Variants in PRKD1 observed in about 807,000 individuals in gnomAD.
The protein encoded by PRKD1 is serine/threonine-protein kinase D1.
PRKD1 carries 63 observed loss-of-function variants against 95.9 expected under a neutral mutation model. That is an observed-to-expected ratio of 0.66 (90% confidence interval 0.54 to 0.81). The LOEUF (loss-of-function observed/expected upper bound fraction) is 0.81. PRKD1 is among the 30% of genes least tolerant of loss of function. The pLI, the probability that PRKD1 is intolerant of heterozygous loss-of-function variation, is 0.00. For synonymous variants in PRKD1, 425 were observed against 423.1 expected, an observed-to-expected ratio of 1.00 and a Z score of -0.05; for missense variants, 1,048 against 1,165.3, an observed-to-expected ratio of 0.90 and a Z score of 1.47.
chr14:29,858,412 C>G (rs1173798820), intron 1 of PRKD1, among the ~76,000 whole-genome samples: 2 of 152,172 alleles, frequency 1.3e-5, no homozygotes, highest in Admixed American at 6.5e-5. Flanking sequence ...CAGGAAATGT[C>G]TCTATAAGAC....
At chr14:29,871,326 T>C (rs564408495) in intron 1 of PRKD1, among the ~76,000 whole-genome samples, 2 of 152,340 alleles carry the variant, frequency 1.3e-5, no homozygotes, top group South Asian at 4.1e-4. Context: ...TATAATTTTT[T>C]AGGATAAAAA....
chr14:29,786,247 T>C (rs1339291138), intron 1 of PRKD1, among the ~76,000 whole-genome samples: 4 of 152,180 alleles, frequency 2.6e-5, no homozygotes, highest in Admixed American at 6.5e-5. Flanking sequence ...ATTTTCATAA[T>C]ATTTTGTTGA....
intron 1 of PRKD1, among the ~76,000 whole-genome samples, chr14:29,832,888 TTTATTTTA>T (rs1891469061): frequency 6.6e-6 from 1 of 152,068 alleles, no homozygotes; most frequent in Non-Finnish European, 1.5e-5. Flanking sequence ...TTTGTGGAAT[TTTATTTTA>T]TTCCTTTTGT....
intron 16 of PRKD1, among the ~76,000 whole-genome samples, chr14:29,582,954 T>C (rs1298542655): frequency 1.3e-5 from 2 of 152,068 alleles, no homozygotes; most frequent in South Asian, 2.1e-4. Context: ...GGTCTGGCTG[T>C]GGGAAGGAAG....
intron 1 of PRKD1, among the ~76,000 whole-genome samples, chr14:29,877,111 C>T (rs1335972367): frequency 6.6e-6 from 1 of 152,088 alleles, no homozygotes; most frequent in East Asian, 1.9e-4. Context: ...AAAATCGTGC[C>T]ACCGCACTCC....
chr14:29,904,554 A>C (rs1894429784), intron 1 of PRKD1, among the ~76,000 whole-genome samples: 1 of 152,226 alleles, frequency 6.6e-6, no homozygotes, highest in Non-Finnish European at 1.5e-5. Flanking sequence ...AATGTTAGCT[A>C]TATTAAGGAT....
chr14:29,633,443 T>C (rs930156662), intron 8 of PRKD1, among the ~76,000 whole-genome samples: 6 of 152,218 alleles, frequency 3.9e-5, no homozygotes, highest in South Asian at 4.1e-4. Flanking sequence ...GAATATTTTG[T>C]TGGACAATAA....
At chr14:29,904,194 T>C (rs1232241743) in intron 1 of PRKD1, among the ~76,000 whole-genome samples, 1 of 152,190 alleles carries the variant, frequency 6.6e-6, no homozygotes. Context: ...TTGTGTTCAC[T>C]ACAACAGGAA....
intron 2 of PRKD1, among the ~76,000 whole-genome samples, chr14:29,722,615 A>C (rs1323017009): frequency 6.6e-6 from 1 of 152,208 alleles, no homozygotes; most frequent in Non-Finnish European, 1.5e-5. Context: ...TGAGAACCTC[A>C]TATCTATGGA....
chr14:29,596,657 A>G (rs1278702953), intron 16 of PRKD1, among the ~76,000 whole-genome samples: 2 of 152,062 alleles, frequency 1.3e-5, no homozygotes, highest in Non-Finnish European at 2.9e-5. Flanking sequence ...GTATCACCCT[A>G]TTGGCCAAGC....
intron 1 of PRKD1, among the ~76,000 whole-genome samples, chr14:29,728,025 G>T (rs948994640): frequency 6.6e-6 from 1 of 151,858 alleles, no homozygotes; most frequent in South Asian, 2.1e-4. Flanking sequence ...TGGGGCGAGG[G>T]GGGAGGGATA....
chr14:29,616,459 C>T (rs61977965), intron 13 of PRKD1, among the ~76,000 whole-genome samples: 1 of 148,238 alleles, frequency 6.7e-6, no homozygotes, highest in Non-Finnish European at 1.5e-5. Flanking sequence ...TTTTTTTTTC[C>T]AAGAGACAGG....
At chr14:29,707,648 G>A (rs1885154614) in intron 2 of PRKD1, among the ~76,000 whole-genome samples, 1 of 152,120 alleles carries the variant, frequency 6.6e-6, no homozygotes, top group Admixed American at 6.6e-5. Flanking sequence ...TGCAACCAAA[G>A]AACTGCTAAC....
At chr14:29,867,446 G>A (rs1892949790) in intron 1 of PRKD1, among the ~76,000 whole-genome samples, 1 of 152,212 alleles carries the variant, frequency 6.6e-6, no homozygotes, top group African/African-American at 2.4e-5. Context: ...AACTGAGAAA[G>A]ATCCTGGCCT....
intron 1 of PRKD1, among the ~76,000 whole-genome samples, chr14:29,791,696 G>T (rs377714570): frequency 6.6e-6 from 1 of 152,050 alleles, no homozygotes; most frequent in African/African-American, 2.4e-5. Flanking sequence ...GTATGGATAT[G>T]CCACAATTTG....
intron 1 of PRKD1, among the ~76,000 whole-genome samples, chr14:29,784,697 G>T (rs1889190507): frequency 1.3e-5 from 2 of 152,136 alleles, no homozygotes; most frequent in African/African-American, 4.8e-5. Context: ...GTGGTCTGAG[G>T]GTTCACGGTT....
intron 16 of PRKD1, among the ~76,000 whole-genome samples, chr14:29,595,166 G>A (rs1192232724): frequency 6.6e-6 from 1 of 152,062 alleles, no homozygotes; most frequent in Non-Finnish European, 1.5e-5. Context: ...AATTTTTAGT[G>A]CTTAGACATT....
intron 1 of PRKD1, among the ~76,000 whole-genome samples, chr14:29,861,389 T>G (rs1013034856): frequency 6.6e-6 from 1 of 152,220 alleles, no homozygotes; most frequent in African/African-American, 2.4e-5. Flanking sequence ...CAAGTGTTTT[T>G]AAATTGTATT....
chr14:29,794,752 T>A (rs1889734413), intron 1 of PRKD1, among the ~76,000 whole-genome samples: 1 of 152,038 alleles, frequency 6.6e-6, no homozygotes, highest in South Asian at 2.1e-4. Context: ...GACTAAGTCT[T>A]CGCTGCTGTA....
Sources: allele counts gnomAD v4.1 joint callset (sites outside exome capture counted in the v4.1 genomes callset), GRCh38; gene constraint gnomAD v4.1.1; transcripts MANE v1.5; gene names NCBI Gene and HGNC (gene_info 2026-07-23, HGNC 2026-07-21).